The following DLGAP1 variants were observed in gnomAD, a reference collection of about 807,000 sequenced individuals.
The protein encoded by DLGAP1 is DLG associated protein 1, also known as disks large-associated protein 1.
Under a neutral mutation model 90.8 loss-of-function variants are expected in DLGAP1, and 11 were observed. That is an observed-to-expected ratio of 0.12 (90% CI 0.08 to 0.20). DLGAP1 has a LOEUF of 0.20. Among genes scored for constraint, DLGAP1 ranks in the 10% least tolerant of loss-of-function variants. DLGAP1 has a pLI of 1.00. For synonymous variants in DLGAP1, 558 were observed against 540.7 expected (o/e 1.03, Z -0.44); for missense variants, 1,050 against 1,333.8 (o/e 0.79, Z 3.31).
At chr18:3,612,328 G>T (rs1351726630) in intron 7 of DLGAP1, among the ~76,000 whole-genome samples, 1 of 152,170 alleles carries the variant, frequency 6.6e-6, no homozygotes, top group East Asian at 1.9e-4. Context: ...TTCCTTATAG[G>T]GTTGTAGAGA....
chr18:4,009,198 T>C (rs2149091430), intron 2 of DLGAP1, among the ~76,000 whole-genome samples: 1 of 152,296 alleles, frequency 6.6e-6, no homozygotes, highest in Middle Eastern at 3.4e-3. Flanking sequence ...CCACTGCACC[T>C]GGCCGCCACC....
intron 1 of DLGAP1, among the ~76,000 whole-genome samples, chr18:4,297,361 G>A (rs544555601): frequency 6.6e-6 from 1 of 151,826 alleles, no homozygotes; most frequent in South Asian, 2.1e-4. Flanking sequence ...CATGCCATGG[G>A]AAAAATTTAT....
intron 4 of DLGAP1, among the ~76,000 whole-genome samples, chr18:3,817,690 A>G (rs1283449126): frequency 6.6e-6 from 1 of 152,242 alleles, no homozygotes; most frequent in Non-Finnish European, 1.5e-5. Flanking sequence ...TTTAGAAGAA[A>G]GCATATAAAG....
chr18:4,131,056 A>G (rs1471758958), intron 2 of DLGAP1, among the ~76,000 whole-genome samples: 32 of 152,184 alleles, frequency 2.1e-4, no homozygotes, highest in Admixed American at 2.1e-3. Context: ...GATCACAAAC[A>G]GCATTACAGT....
chr18:4,337,817 A>G (rs1039493057), intron 1 of DLGAP1, among the ~76,000 whole-genome samples: 7 of 152,150 alleles, frequency 4.6e-5, no homozygotes, highest in Non-Finnish European at 1.0e-4. Context: ...TAGTTTTTTT[A>G]TTTCATACTT....
intron 5 of DLGAP1, among the ~76,000 whole-genome samples, chr18:3,773,392 G>A (rs1168425769): frequency 6.6e-6 from 1 of 152,130 alleles, no homozygotes; most frequent in South Asian, 2.1e-4. Flanking sequence ...ACTAACTATT[G>A]TTGGCAGCAA....
intron 11 of DLGAP1, among the ~76,000 whole-genome samples, chr18:3,504,720 C>A (rs2050122900): frequency 6.6e-6 from 1 of 152,154 alleles, no homozygotes. Flanking sequence ...GTATAATGGG[C>A]AACTCGTTCC....
At chr18:3,875,822 G>A (rs2070986016) in intron 4 of DLGAP1, among the ~76,000 whole-genome samples, 1 of 152,014 alleles carries the variant, frequency 6.6e-6, no homozygotes, top group Admixed American at 6.6e-5. Context: ...TTTGGACCAA[G>A]CGCCTCATTT....
In DLGAP1 at chr18:3,837,849, CAAAAAAAAAA is replaced by C. The variant is rs5822770; in HGVS notation, c.958-23586_958-23577del. 8.1e-3 allele frequency among the ~76,000 whole-genome samples: 218 copies of C among 26,808 alleles called. 4 individuals are homozygous for C. The highest frequency in any genetic ancestry group is 0.026 in the African/African-American group (183 of 7,036). The allele number at this position is 26,808 out of a possible 152,430, so 17.6% of individuals were successfully genotyped here. On this transcript the variant is annotated intron_variant, in intron 4 of 12. Transcript: ENST00000315677. ...CCTGGGCGACAGAGTGAGATTCTGT[CAAAAAAAAAA>C]AAAAAAAAAAAAAAAAAAAAAAGTC...
intron 2 of DLGAP1, among the ~76,000 whole-genome samples, chr18:4,033,912 T>C (rs568504824): frequency 2.6e-5 from 4 of 151,714 alleles, no homozygotes; most frequent in African/African-American, 9.7e-5. Flanking sequence ...CTAATTTTTA[T>C]ATTTTTAGTA....
At chr18:3,707,820 C>T (rs2147190984) in intron 7 of DLGAP1, among the ~76,000 whole-genome samples, 1 of 152,136 alleles carries the variant, frequency 6.6e-6, no homozygotes, top group East Asian at 1.9e-4. Flanking sequence ...ATTAAACGGG[C>T]ACAGGAATAA....
chr18:3,868,655 A>T (rs1044808693), intron 4 of DLGAP1, among the ~76,000 whole-genome samples: 7 of 152,118 alleles, frequency 4.6e-5, no homozygotes, highest in Non-Finnish European at 1.0e-4. Flanking sequence ...AATGTATTAA[A>T]CCCTTCCTGT....
chr18:4,351,012 A>G (rs1434893709), intron 1 of DLGAP1, among the ~76,000 whole-genome samples: 1 of 152,170 alleles, frequency 6.6e-6, no homozygotes, highest in Non-Finnish European at 1.5e-5. Context: ...TCATTTCTTT[A>G]GGAGTTTAGT....
At chr18:4,185,221 T>C (rs770750280) in intron 1 of DLGAP1, among the ~76,000 whole-genome samples, 7 of 152,040 alleles carry the variant, frequency 4.6e-5, no homozygotes, top group Non-Finnish European at 8.8e-5. Flanking sequence ...AGAATAAAAT[T>C]TGGTTTCTAT....
Position 3,930,513 on chromosome 18 carries a change from G to A in DLGAP1, c.-72-50373C>T, listed in dbSNP as rs141418843. ...GTGTAGGCTGCCCCTGAGATTGTGC[G>A]GATCTGAGCGTGTCCTGCAATAGGA... On this transcript the variant is annotated intron_variant, in intron 3 of 12. Coordinates refer to ENST00000315677, the MANE Select transcript of DLGAP1 (RefSeq NM_004746.4). 3.7e-3 allele frequency among the ~76,000 whole-genome samples: 566 copies of A among 152,192 alleles called. 5 individuals are homozygous for A. Among genetic ancestry groups the A allele is most frequent in the African/African-American group, 0.013 (549 of 41,500 alleles).
At chr18:4,322,094 G>C (rs2080704950) in intron 1 of DLGAP1, among the ~76,000 whole-genome samples, 1 of 152,034 alleles carries the variant, frequency 6.6e-6, no homozygotes, top group South Asian at 2.1e-4. Flanking sequence ...CAGCTACATG[G>C]GAGGCTGAGG....
intron 1 of DLGAP1, among the ~76,000 whole-genome samples, chr18:4,177,351 A>AACACACACACACACAC (rs34299932): frequency 2.8e-5 from 4 of 141,568 alleles, no homozygotes; most frequent in African/African-American, 1.0e-4. Flanking sequence ...ACTTTCTTTG[A>AACACACACACACACAC]ACACACACAC....
At chr18:3,524,953 G>C (rs1204496332) in intron 10 of DLGAP1, among the ~76,000 whole-genome samples, 1 of 152,140 alleles carries the variant, frequency 6.6e-6, no homozygotes, top group Non-Finnish European at 1.5e-5. Flanking sequence ...GGCAGTTGCT[G>C]ATCTGCATTG....
intron 7 of DLGAP1, among the ~76,000 whole-genome samples, chr18:3,684,231 C>A (rs2060622725): frequency 6.6e-6 from 1 of 151,806 alleles, no homozygotes; most frequent in African/African-American, 2.4e-5. Context: ...ACTCTGTCCC[C>A]CAGGAGGGAG....
Sources: allele counts gnomAD v4.1 joint callset (sites outside exome capture counted in the v4.1 genomes callset), GRCh38; gene constraint gnomAD v4.1.1; transcripts MANE v1.5; gene names NCBI Gene and HGNC (gene_info 2026-07-23, HGNC 2026-07-21).